TASP1: variants seen among roughly 807,000 people sequenced by gnomAD.
The protein encoded by TASP1 is threonine aspartase 1.
TASP1 carries 16 observed loss-of-function variants against 56.6 expected under a neutral mutation model. The ratio of observed to expected loss-of-function variants is 0.28; its 90% confidence interval spans 0.19 to 0.43. The LOEUF (loss-of-function observed/expected upper bound fraction) is 0.43, where lower values mean the gene tolerates loss of function less well. Among genes scored for constraint, TASP1 ranks in the 20% least tolerant of loss-of-function variants. The pLI, the probability that TASP1 is intolerant of heterozygous loss-of-function variation, is 1.00. For missense variants in TASP1, 393 were observed against 511.6 expected (o/e 0.77, Z 2.24); for synonymous variants, 179 against 184.2 (o/e 0.97, Z 0.23).
chr20:13,153,582 G>T, the TASP1 span, among the ~76,000 whole-genome samples: 1 of 152,104 alleles, frequency 6.6e-6, no homozygotes, highest in Non-Finnish European at 1.5e-5. Flanking sequence ...AGCCAATTCA[G>T]CTTAGCTAAA....
chr20:13,497,844 C>T (rs2043789369), intron 10 of TASP1, among the ~76,000 whole-genome samples: 1 of 152,092 alleles, frequency 6.6e-6, no homozygotes, highest in Admixed American at 6.6e-5. Context: ...CACCTACAAC[C>T]ATCTGACCTT....
At chr20:13,339,348 C>T in the TASP1 span, among the ~76,000 whole-genome samples, 1 of 152,210 alleles carries the variant, frequency 6.6e-6, no homozygotes, top group Non-Finnish European at 1.5e-5. Context: ...TTTTTACCCT[C>T]TGCCTGAAAT....
At chr20:13,365,999 G>C in the TASP1 span, among the ~76,000 whole-genome samples, 1 of 152,178 alleles carries the variant, frequency 6.6e-6, no homozygotes, top group South Asian at 2.1e-4. Context: ...GAAAAGACGG[G>C]ATTCAAAGAC....
chr20:13,328,538 A>C, the TASP1 span, among the ~76,000 whole-genome samples: 1 of 152,218 alleles, frequency 6.6e-6, no homozygotes. Flanking sequence ...TCACAATAGC[A>C]AAGACATGGA....
intron 10 of TASP1, among the ~76,000 whole-genome samples, chr20:13,507,662 A>T (rs970724826): frequency 2.6e-5 from 4 of 152,326 alleles, no homozygotes; most frequent in Admixed American, 2.6e-4. Flanking sequence ...ACCCAAAGTG[A>T]TCCACAGATT....
intron 8 of TASP1, among the ~76,000 whole-genome samples, chr20:13,538,219 G>C (rs772436320): frequency 3.9e-5 from 6 of 152,060 alleles, no homozygotes; most frequent in Non-Finnish European, 7.4e-5. Flanking sequence ...AGCCAGGCTG[G>C]TCTTGAACTC....
chr20:13,520,151 T>C (rs577229895), intron 10 of TASP1, among the ~76,000 whole-genome samples: 166 of 152,336 alleles, frequency 1.1e-3, no homozygotes, highest in Non-Finnish European at 1.7e-3. Flanking sequence ...GAACATTCCA[T>C]GCTCATGGGT....
the TASP1 span, among the ~76,000 whole-genome samples, chr20:13,121,029 G>A: frequency 1.3e-5 from 2 of 152,210 alleles, no homozygotes; most frequent in Non-Finnish European, 2.9e-5. Flanking sequence ...TTGAAGGAAA[G>A]CCTAAGCTGA....
chr20:13,372,102 CCTCTCAG>C, the TASP1 span, among the ~76,000 whole-genome samples: 2 of 152,200 alleles, frequency 1.3e-5, no homozygotes, highest in South Asian at 4.2e-4. Flanking sequence ...CGTCTGATAC[CCTCTCAG>C]CTTTTGACTG....
chr20:13,160,826 A>G, the TASP1 span, among the ~76,000 whole-genome samples: 1 of 152,260 alleles, frequency 6.6e-6, no homozygotes, highest in Non-Finnish European at 1.5e-5. Flanking sequence ...ATCTTGAAGA[A>G]GAAATATAGA....
the TASP1 span, among the ~76,000 whole-genome samples, chr20:13,310,028 C>T: frequency 1.3e-5 from 2 of 152,106 alleles, no homozygotes; most frequent in South Asian, 2.1e-4. Flanking sequence ...AAGCAATCTA[C>T]AAATTCGATG....
chr20:13,358,762 G>T, the TASP1 span, among the ~76,000 whole-genome samples: 1 of 147,402 alleles, frequency 6.8e-6, no homozygotes, highest in Non-Finnish European at 1.5e-5. Context: ...CTGCAGGGAC[G>T]CCTCTCTGAT....
At chr20:13,488,035 T>A (rs1018378509) in intron 10 of TASP1, among the ~76,000 whole-genome samples, 2 of 151,820 alleles carry the variant, frequency 1.3e-5, no homozygotes, top group Non-Finnish European at 2.9e-5. Flanking sequence ...GAGCCTAGAA[T>A]GATAAAGAGA....
At chr20:13,322,407 A>C in the TASP1 span, among the ~76,000 whole-genome samples, 1 of 152,092 alleles carries the variant, frequency 6.6e-6, no homozygotes, top group African/African-American at 2.4e-5. Context: ...TTCTCTCTCC[A>C]ACTCTTCCAC....
chr20:13,521,909 G>A (rs2044776025), intron 10 of TASP1, among the ~76,000 whole-genome samples: 1 of 152,114 alleles, frequency 6.6e-6, no homozygotes, highest in African/African-American at 2.4e-5. Flanking sequence ...GGAAATGTTG[G>A]CTGAAGGAAG....
chr20:13,523,493 G>A (rs374809986), intron 10 of TASP1, among the ~76,000 whole-genome samples: 1 of 152,156 alleles, frequency 6.6e-6, no homozygotes, highest in Admixed American at 6.5e-5. Flanking sequence ...CAGTCCCATA[G>A]ACAATCTCCC....
At chr20:13,416,537 A>C (rs1200666856) in intron 13 of TASP1, among the ~76,000 whole-genome samples, 1 of 152,238 alleles carries the variant, frequency 6.6e-6, no homozygotes, top group African/African-American at 2.4e-5. Context: ...AATAAGCAAT[A>C]AAGTGTTCTT....
the TASP1 span, among the ~76,000 whole-genome samples, chr20:13,249,822 TTTGTTTTG>T: frequency 3.5e-5 from 5 of 143,284 alleles, no homozygotes; most frequent in Non-Finnish European, 1.5e-5. Flanking sequence ...TTTGTTTTGT[TTTGTTTTG>T]TTTTGTTTCC....
At chr20:13,136,726 A>G in the TASP1 span, among the ~76,000 whole-genome samples, 1 of 147,772 alleles carries the variant, frequency 6.8e-6, no homozygotes, top group Non-Finnish European at 1.5e-5. Context: ...TAATATATAA[A>G]TAAAAGTTAT....
Sources: allele counts gnomAD v4.1 joint callset (sites outside exome capture counted in the v4.1 genomes callset), GRCh38; gene constraint gnomAD v4.1.1; transcripts MANE v1.5; gene names NCBI Gene and HGNC (gene_info 2026-07-23, HGNC 2026-07-21).